The following ARHGAP44 variants were observed in gnomAD, a reference collection of about 807,000 sequenced individuals.
The protein encoded by ARHGAP44 is Rho GTPase activating protein 44, also known as rho GTPase-activating protein 44.
ARHGAP44 carries 43 observed loss-of-function variants against 106.8 expected under a neutral mutation model. That is an observed-to-expected ratio of 0.40 (90% CI 0.32 to 0.52). The LOEUF (loss-of-function observed/expected upper bound fraction) is 0.52. Ranked by LOEUF, ARHGAP44 falls within the 20% of genes least tolerant of loss-of-function variation. The pLI, the probability that ARHGAP44 is intolerant of heterozygous loss-of-function variation, is 0.48. For missense variants in ARHGAP44, 866 were observed against 1,050.5 expected (o/e 0.82, Z 2.43); for synonymous variants, 439 against 410.3 (o/e 1.07, Z -0.85).
chr17:12,802,244 G>A (rs558955548), intron 1 of ARHGAP44, among the ~76,000 whole-genome samples: 2 of 152,308 alleles, frequency 1.3e-5, no homozygotes, highest in South Asian at 4.1e-4. Flanking sequence ...TTCTCTGGAT[G>A]CAGCAGCAGA....
intron 1 of ARHGAP44, among the ~76,000 whole-genome samples, chr17:12,793,916 A>G (rs554331516): frequency 1.3e-5 from 2 of 152,288 alleles, no homozygotes; most frequent in East Asian, 3.9e-4. Context: ...CAAAAGATCC[A>G]TGCGCTATAG....
At chr17:12,967,801 T>C (rs957887253) in intron 16 of ARHGAP44, among the ~76,000 whole-genome samples, 5 of 152,184 alleles carry the variant, frequency 3.3e-5, no homozygotes, top group Admixed American at 3.3e-4. Flanking sequence ...AAAAGAAGCA[T>C]GCCATTTCAT....
At chr17:12,825,746 G>A (rs986601940) in intron 1 of ARHGAP44, among the ~76,000 whole-genome samples, 5 of 152,126 alleles carry the variant, frequency 3.3e-5, no homozygotes, top group African/African-American at 1.2e-4. Flanking sequence ...TATTTTACCA[G>A]TTACTGGGTA....
At chr17:12,935,559 G>C (rs934823848) in intron 7 of ARHGAP44, among the ~76,000 whole-genome samples, 12 of 116,836 alleles carry the variant, frequency 1.0e-4, no homozygotes, top group Middle Eastern at 5.1e-3. Context: ...AACAGAGTGA[G>C]ACTCCATCTC....
chr17:12,953,393 C>T lies in ARHGAP44; in HGVS notation c.1136+812C>T, dbSNP rs368201498. On this transcript the variant is annotated intron_variant, in intron 13 of 20. Transcript: ENST00000379672. ...CCCAGCTTCTTAGGAGGCAGATTTT[C>T]AGCATCAGCACCTACTGCCATCTGC... is the stretch of plus-strand genomic sequence containing the variant. Among the ~76,000 whole-genome samples, 33 of 152,330 alleles carry T rather than the reference C, an allele frequency of 2.2e-4. 4 individuals are homozygous for T. Among genetic ancestry groups the T allele is most frequent in the Admixed American group, 1.5e-3 (23 of 15,310 alleles).
chr17:12,982,277 C>T (rs1368491636), intron 19 of ARHGAP44, among the ~76,000 whole-genome samples: 1 of 152,036 alleles, frequency 6.6e-6, no homozygotes, highest in Non-Finnish European at 1.5e-5. Flanking sequence ...CTCTACTCCC[C>T]ATCATGCCCA....
At chr17:12,821,687 G>A (rs2034775046) in intron 1 of ARHGAP44, among the ~76,000 whole-genome samples, 1 of 152,078 alleles carries the variant, frequency 6.6e-6, no homozygotes. Flanking sequence ...TCAAAACAGA[G>A]CATTATGTTT....
chr17:12,934,868 C>T (rs2038500368), intron 7 of ARHGAP44, among the ~76,000 whole-genome samples: 1 of 152,164 alleles, frequency 6.6e-6, no homozygotes, highest in African/African-American at 2.4e-5. Context: ...GCGTGTCAGG[C>T]AGGAGTACCA....
intron 19 of ARHGAP44, 120 bp downstream of exon 19, chr17:12,980,353 C>A: frequency 9.4e-7 from 1 of 1,064,500 alleles, no homozygotes; most frequent in Non-Finnish European, 1.3e-6. Context: ...GTGACTAATT[C>A]CCATCTGGAC....
In ARHGAP44 at chr17:12,796,638, C is replaced by G. The variant is rs573602639; in HGVS notation, c.53+6747C>G. 3.3e-5 allele frequency among the ~76,000 whole-genome samples: 5 copies of G among 151,936 alleles called. No individual in the cohort carries two copies. The South Asian group carries it at 1.0e-3, about 32-fold the overall frequency. On this transcript the variant is annotated intron_variant, in intron 1 of 20. Transcript: ENST00000379672. ...TTGAGATGGAGTCTCACTCTGTCAC[C>G]CAGCCTGGAGTGCGGTGGCATGATC... is the stretch of plus-strand genomic sequence containing the variant.
intron 3 of ARHGAP44, among the ~76,000 whole-genome samples, chr17:12,897,101 C>G (rs977830072): frequency 6.6e-6 from 1 of 152,210 alleles, no homozygotes; most frequent in South Asian, 2.1e-4. Flanking sequence ...TGAACAGCCT[C>G]TGCAGGTTTA....
At position 12,989,101 on chromosome 17, in the gene ARHGAP44, C is replaced by CGA. The variant is rs1598173210; in HGVS notation, c.2318-931_2318-930insGA. Among the ~76,000 whole-genome samples, 217 of 45,168 alleles carry CGA rather than the reference C, an allele frequency of 4.8e-3. 6 individuals are homozygous for CGA. Among genetic ancestry groups the CGA allele is most frequent in the Middle Eastern group, 0.03 (2 of 66 alleles). The allele number at this position is 45,168 out of a possible 152,430, so 29.6% of individuals were successfully genotyped here. A position where few individuals can be genotyped will look rare whatever the true frequency, so the allele number is the denominator to read the frequency against. Reference sequence around the variant, plus strand: ...GACAAGAGCGAAACTCCACCCCCCCCAAAAAAAAAAAAAAAAAAAAAAAAC... The same window carrying CGA: ...GACAAGAGCGAAACTCCACCCCCCCCGAAAAAAAAAAAAAAAAAAAAAAAAAC... On this transcript the variant is annotated intron_variant, in intron 20 of 20. Transcript: ENST00000379672.
At chr17:12,897,521 C>G (rs1425488867) in intron 3 of ARHGAP44, among the ~76,000 whole-genome samples, 1 of 151,222 alleles carries the variant, frequency 6.6e-6, no homozygotes, top group Non-Finnish European at 1.5e-5. Context: ...AAAACTTTCA[C>G]AGCTCTGAAA....
At chr17:12,837,844 G>A (rs903582307) in intron 1 of ARHGAP44, among the ~76,000 whole-genome samples, 1 of 152,024 alleles carries the variant, frequency 6.6e-6, no homozygotes, top group Non-Finnish European at 1.5e-5. Context: ...GTGCTAGGTG[G>A]GCCCTGCCTT....
intron 3 of ARHGAP44, among the ~76,000 whole-genome samples, chr17:12,903,083 TGAGAGAGAGAGAGAGAGAGAGA>T (rs67363604): frequency 3.0e-4 from 21 of 70,138 alleles, no homozygotes; most frequent in Non-Finnish European, 5.2e-4. Context: ...AGGGAATATA[TGAGAGAGAGAGAGAGAGAGAGA>T]GAGAGAGAGA....
In ARHGAP44 at chr17:12,849,594, T is replaced by TTTTTG. The variant is rs11373135; in HGVS notation, c.54-45346_54-45345insTTTTG. Among the ~76,000 whole-genome samples, 33 of 112,456 alleles carry TTTTTG rather than the reference T, an allele frequency of 2.9e-4. 6 individuals are homozygous for TTTTTG. The highest frequency in any genetic ancestry group is 1.3e-3 in the African/African-American group (30 of 22,812). 73.8% of individuals were successfully genotyped at this position (112,456 alleles called of 152,430 possible). Reference sequence around the variant, plus strand: ...TTTTTTTTTTTTTTTTTTTTTTTTTTGCTTGGCTTCAGCGTTTTCACCTTG... The same window carrying TTTTTG: ...TTTTTTTTTTTTTTTTTTTTTTTTTTTTTTGGCTTGGCTTCAGCGTTTTCACCTTG... On this transcript the variant is annotated intron_variant, in intron 1 of 20. Coordinates refer to ENST00000379672, the MANE Select transcript of ARHGAP44 (RefSeq NM_014859.6).
chr17:12,983,334 A>G (rs56302608), intron 19 of ARHGAP44, among the ~76,000 whole-genome samples: 13,060 of 150,182 alleles, frequency 0.087, 789 homozygotes, highest in Middle Eastern at 0.19. Context: ...CTAACAGGTT[A>G]GTGATCACTC....
chr17:12,796,852 G>A (rs992464575), intron 1 of ARHGAP44, among the ~76,000 whole-genome samples: 12 of 149,768 alleles, frequency 8.0e-5, no homozygotes, highest in South Asian at 2.1e-4. Flanking sequence ...TGATCTGCCC[G>A]CCTCAGCCTC....
intron 7 of ARHGAP44, among the ~76,000 whole-genome samples, chr17:12,931,292 A>G (rs1180414378): frequency 2.0e-5 from 3 of 151,872 alleles, no homozygotes; most frequent in Admixed American, 2.0e-4. Context: ...GGCTGGTCAC[A>G]AACTCCTGAC....
Sources: gnomAD v4.1 joint callset for allele counts (sites outside exome capture counted in the v4.1 genomes callset) on GRCh38, gnomAD v4.1.1 for gene constraint, MANE v1.5 for transcripts, NCBI Gene and HGNC (gene_info 2026-07-23, HGNC 2026-07-21) for gene names.